Variants in KCNT1 observed in about 807,000 individuals in gnomAD.
KCNT1 encodes potassium channel subfamily T member 1.
Under a neutral mutation model 147.8 loss-of-function variants are expected in KCNT1, and 78 were observed. That is an observed-to-expected ratio of 0.53 (90% CI 0.44 to 0.64). The LOEUF is 0.64. Among genes scored for constraint, KCNT1 ranks in the 30% least tolerant of loss-of-function variants. The probability of loss-of-function intolerance (pLI) is 0.00; values close to 1 mark genes in which losing one functional copy is unlikely to be tolerated. For missense variants in KCNT1, 1,419 were observed against 1,750.3 expected, an observed-to-expected ratio of 0.81 and a Z score of 3.38; for synonymous variants, 867 against 748.8, an observed-to-expected ratio of 1.16 and a Z score of -2.58.
intron 2 of KCNT1, among the ~76,000 whole-genome samples, chr9:135,717,174 T>C (rs1468423313): frequency 7.2e-6 from 1 of 138,310 alleles, no homozygotes; most frequent in African/African-American, 2.8e-5. Context: ...GGCCCTGTGG[T>C]GTTGGTGTGT....
chr9:135,758,229 GCAGGC>G (rs1831640821), intron 9 of KCNT1, among the ~76,000 whole-genome samples, 180 bp from the exon 10 acceptor site: 28 of 146,928 alleles, frequency 1.9e-4, no homozygotes, highest in Middle Eastern at 3.6e-3. Context: ...GTGGCCAGGT[GCAGGC>G]TGCCCCATGG....
chr9:135,707,599 C>T (rs914043264), intron 1 of KCNT1, among the ~76,000 whole-genome samples: 2 of 152,106 alleles, frequency 1.3e-5, no homozygotes, highest in African/African-American at 2.4e-5. Context: ...CTGAGATGGA[C>T]TTGCCATCTG....
intron 2 of KCNT1, among the ~76,000 whole-genome samples, chr9:135,726,918 C>T (rs188629381): frequency 1.2e-5 from 1 of 81,574 alleles, no homozygotes. Flanking sequence ...TCTCTCTCTC[C>T]CTCTCTCTCT....
chr9:135,770,762 C>G, intron 17 of KCNT1, 95 bp from the exon 18 acceptor site: 1 of 1,213,584 alleles, frequency 8.2e-7, no homozygotes, highest in Non-Finnish European at 1.2e-6. Flanking sequence ...CGCGGAGCTC[C>G]GGTGGGGACT....
At chr9:135,761,209 A>G (rs1345046565) in intron 11 of KCNT1, among the ~76,000 whole-genome samples, 1 of 152,158 alleles carries the variant, frequency 6.6e-6, no homozygotes, top group East Asian at 1.9e-4. Context: ...TTTACTGAAA[A>G]GATCATTCCC....
At chr9:135,757,884 C>T (rs1268976874) in intron 9 of KCNT1, among the ~76,000 whole-genome samples, 1 of 152,252 alleles carries the variant, frequency 6.6e-6, no homozygotes, top group African/African-American at 2.4e-5. Context: ...CCTTGACTCA[C>T]AGCCCCCATT....
In KCNT1 at chr9:135,717,888, G is replaced by T. The variant is rs1264548194; in HGVS notation, c.254+3168G>T. On this transcript the variant is annotated intron_variant, in intron 2 of 30. Transcript: ENST00000371757. ...GGGCTTGCTTCAGCCTCCATGGTAG[G>T]GTTGGGTGAGTCTGGCATGGCCTCT... 2.0e-5 allele frequency among the ~76,000 whole-genome samples: 3 copies of T among 152,212 alleles called. No homozygotes were observed. The South Asian group carries it at 6.2e-4, about 32-fold the overall frequency.
chr9:135,762,089 C>G (rs927742915), intron 11 of KCNT1, among the ~76,000 whole-genome samples: 1 of 152,274 alleles, frequency 6.6e-6, no homozygotes, highest in Non-Finnish European at 1.5e-5. Flanking sequence ...CGGGCCGGGG[C>G]TGCCTTCCCA....
chr9:135,726,249 A>G (rs917044349), intron 2 of KCNT1, among the ~76,000 whole-genome samples: 1 of 152,010 alleles, frequency 6.6e-6, no homozygotes, highest in African/African-American at 2.4e-5. Context: ...TCTCCACAGC[A>G]CTACGTGGCA....
At chr9:135,744,278 G>C (rs940709314) in intron 2 of KCNT1, among the ~76,000 whole-genome samples, 1 of 152,248 alleles carries the variant, frequency 6.6e-6, no homozygotes, top group African/African-American at 2.4e-5. Flanking sequence ...GGCCTCTGCC[G>C]ACCCCATTTG....
Position 135,755,432 on chromosome 9 carries a change from G to A in KCNT1, c.540+263G>A, listed in dbSNP as rs78147698. Among the ~76,000 whole-genome samples, 15 of 147,494 alleles carry A rather than the reference G, an allele frequency of 1.0e-4. No individual in the cohort carries two copies. The East Asian group carries it at 2.0e-3, about 20-fold the overall frequency. On this transcript the variant is annotated intron_variant, in intron 6 of 30. Transcript: ENST00000371757. ...TGACTCCAACTCAGTGAGCACTGAG[G>A]ACAAACCCAGCATTTACTGACCCAG...
At chr9:135,784,500 TCCCTCCCTCC>T (rs1833869783) in intron 25 of KCNT1, 25 bp from the exon 26 acceptor site, 1 of 154,394 alleles carries the variant, frequency 6.5e-6, no homozygotes, top group South Asian at 5.5e-5. Flanking sequence ...CCTCCCTCCC[TCCCTCCCTCC>T]CTCCCTCCCT....
intron 22 of KCNT1, 92 bp downstream of exon 22, chr9:135,778,587 G>GT (rs1833352640): frequency 1.1e-5 from 18 of 1,601,572 alleles, no homozygotes; most frequent in Non-Finnish European, 1.5e-5. Context: ...CGCAGGTGGG[G>GT]TGGGGGGCTG....
intron 2 of KCNT1, among the ~76,000 whole-genome samples, chr9:135,743,499 T>C (rs1830663701): frequency 6.6e-6 from 1 of 152,006 alleles, no homozygotes; most frequent in African/African-American, 2.4e-5. Flanking sequence ...GGACCTATTA[T>C]TATCCCAAAA....
At chr9:135,746,664 G>C (rs1830849108) in intron 2 of KCNT1, among the ~76,000 whole-genome samples, 1 of 152,240 alleles carries the variant, frequency 6.6e-6, no homozygotes, top group South Asian at 2.1e-4. Context: ...GGGAGGTAAA[G>C]GGAGGAGCAG....
At chr9:135,720,536 C>T (rs1021274486) in intron 2 of KCNT1, among the ~76,000 whole-genome samples, 1 of 152,088 alleles carries the variant, frequency 6.6e-6, no homozygotes, top group Non-Finnish European at 1.5e-5. Flanking sequence ...CCCTCCCCAC[C>T]CCCATCATCC....
rs771096934 is a variant in KCNT1 at position 135,714,699 on chromosome 9, C to T, written c.233C>T (p.Pro78Leu). Residue 78 changes from proline to leucine, a missense_variant, in exon 2 of 31, where the codon CCG becomes CTG. Pro to Leu is a moderately conservative substitution (Grantham distance 98). Around this residue, in one of 5 missense-constraint regions of KCNT1, gnomAD observed 181 missense variants for 155.7 expected, o/e 1.16. Transcript: ENST00000371757. The surrounding 1 kb of genome is among the most constrained non-coding windows in gnomAD (Gnocchi z 6.2). ...TTCCGGGACCTGCTGCTGGGCGACC[C>T]GTCCTTCCAGAACGACGACAGGTAG... The part of the protein sequence containing the change: ...YRFRDLLLGD[P>L]SFQNDDRVQV... 15 of 1,451,064 alleles carry T rather than the reference C, an allele frequency of 1.0e-5. No homozygotes were observed. Among genetic ancestry groups the T allele is most frequent in the East Asian group, 3.2e-5 (1 of 31,720 alleles). 89.9% of individuals were successfully genotyped at this position (1,451,064 alleles called of 1,614,324 possible).
chr9:135,778,763 C>T lies in KCNT1; in HGVS notation c.2670C>T (p.Ser890=), dbSNP rs765403435. 2.0e-5 allele frequency: 33 copies of T among 1,613,754 alleles called. No individual in the cohort carries two copies. The highest frequency in any genetic ancestry group is 1.1e-4 in the African/African-American group (8 of 74,884). The part of the protein sequence containing the change: ...LVVVDKESTM[S]AEEDYMADAK... The stretch of plus-strand genomic sequence containing the variant: ...TGGTGGACAAGGAGAGCACCATGAG[C>T]GCCGAGGAGGACTACATGGCGGACG... Residue 890 remains serine, a synonymous_variant, in exon 23 of 31, where the codon AGC becomes AGT. Coordinates refer to ENST00000371757, the MANE Select transcript of KCNT1 (RefSeq NM_020822.3).
chr9:135,784,729 G>GC, intron 26 of KCNT1, 32 bp from the exon 27 acceptor site: 2 of 1,610,396 alleles, frequency 1.2e-6, no homozygotes, highest in Non-Finnish European at 1.7e-6. Context: ...GCTGCCACCT[G>GC]CCCCAGCCAA....
Sources: allele counts gnomAD v4.1 joint callset (sites outside exome capture counted in the v4.1 genomes callset), GRCh38; gene constraint gnomAD v4.1.1; regional missense constraint gnomAD v4.1.1; non-coding constraint Gnocchi (gnomAD v3.1); transcripts MANE v1.5; gene names NCBI Gene and HGNC (gene_info 2026-07-23, HGNC 2026-07-21).